Variants in SUZ12 observed in about 807,000 individuals in gnomAD.
SUZ12 encodes SUZ12 polycomb repressive complex 2 subunit, also known as polycomb protein SUZ12.
In SUZ12, 17 loss-of-function variants were observed where a neutral mutation model predicts 87.3. The ratio of observed to expected loss-of-function variants is 0.19; its 90% CI spans 0.13 to 0.29. SUZ12 has a LOEUF of 0.29. Among genes scored for constraint, SUZ12 ranks in the 10% least tolerant of loss-of-function variants. The pLI is 1.00. For synonymous variants in SUZ12, 253 were observed against 312.4 expected (o/e 0.81, Z 2.01); for missense variants, 526 against 912.2 (o/e 0.58, Z 5.45).
intron 4 of SUZ12, among the ~76,000 whole-genome samples, chr17:31,951,015 C>G (rs536795600): frequency 6.9e-4 from 105 of 152,132 alleles, no homozygotes; most frequent in African/African-American, 2.5e-3. Context: ...CTCCTGACCT[C>G]GTGATCCGCC....
chr17:31,973,392 C>G (rs1567827182), intron 6 of SUZ12, among the ~76,000 whole-genome samples, 161 bp downstream of exon 6: 1 of 152,170 alleles, frequency 6.6e-6, no homozygotes, highest in African/African-American at 2.4e-5. Flanking sequence ...CTTTTGCCAA[C>G]TCGCATATCT....
rs779648238 is a variant in SUZ12 at position 31,998,641 on chromosome 17, C to A, written c.1875-17C>A. 21 of 1,509,210 alleles carry A rather than the reference C, an allele frequency of 1.4e-5. No individual in the cohort carries two copies. In the African/African-American group the frequency reaches 2.0e-4, roughly 14 times the overall value. The allele number at this position is 1,509,210 out of a possible 1,614,324, so 93.5% of individuals were successfully genotyped here. ...AATGCTTTGTATTGCTATTCATATT[C>A]TGTTTTTATTAAATAGGTTTATTGC... On this transcript the variant is annotated splice_polypyrimidine_tract_variant and intron_variant, in intron 15 of 15. Coordinates refer to ENST00000322652, the MANE Select transcript of SUZ12 (RefSeq NM_015355.4).
In SUZ12 at chr17:31,993,976, C is replaced by G; in HGVS notation, c.1405C>G (p.Leu469Val). ...TTATAGTTTACTCAAGCATCTTAAA[C>G]TCTGCCATAGCAGATTTATCTTCAA... ...KLYSLLKHLK[L>V]CHSRFIFNYV... The change falls in exon 12 of 16, where the codon CTC (leucine) becomes GTC (valine). Residue 469 changes from leucine to valine, a missense_variant. Physicochemically the swap from Leu to Val is conservative, Grantham distance 32. Around this residue, in one of 9 missense-constraint regions of SUZ12, gnomAD observed 143 missense variants for 321.6 expected, o/e 0.44. Transcript: ENST00000322652. 1 of 1,613,248 alleles carries G rather than the reference C, an allele frequency of 6.2e-7. No individual in the cohort carries two copies. Among genetic ancestry groups the G allele is most frequent in the Non-Finnish European group, 8.5e-7 (1 of 1,179,782 alleles).
At chr17:31,972,716 T>C (rs1369844058) in intron 5 of SUZ12, among the ~76,000 whole-genome samples, 1 of 149,646 alleles carries the variant, frequency 6.7e-6, no homozygotes, top group Non-Finnish European at 1.5e-5. Flanking sequence ...GCCTGGCCAG[T>C]GAATATTTTT....
chr17:31,964,278 G>C, intron 4 of SUZ12, among the ~76,000 whole-genome samples: 1 of 151,466 alleles, frequency 6.6e-6, no homozygotes. Flanking sequence ...TCCTGTCTTG[G>C]CCTCCCAAAA....
chr17:31,977,521 G>A (rs1028158972), intron 8 of SUZ12, among the ~76,000 whole-genome samples: 2 of 151,950 alleles, frequency 1.3e-5, no homozygotes, highest in African/African-American at 4.8e-5. Flanking sequence ...CTCGTGATCC[G>A]CCTGCCTTGG....
In SUZ12 at chr17:31,999,312, TATAA is replaced by T. The variant is rs1910142673; in HGVS notation, c.*312_*315del. 8.1e-6 allele frequency: 2 copies of T among 245,500 alleles called. No individual in the cohort carries two copies. The highest frequency in any genetic ancestry group is 1.6e-5 in the Non-Finnish European group (2 of 127,370). The allele number at this position is 245,500 out of a possible 1,614,324, so 15.2% of individuals were successfully genotyped here. A position where few individuals can be genotyped will look rare whatever the true frequency, so the allele number is the denominator to read the frequency against. On this transcript the variant is annotated 3_prime_UTR_variant, in exon 16 of 16. Transcript: ENST00000322652. ...GAATTGATCTAGAAATTATTTCATA[TATAA>T]ATCAGAATTTTTTTGCATTTATGAA...
chr17:32,000,036 GT>G lies in SUZ12; in HGVS notation c.*1035del, dbSNP rs1229468509. 1 of 232,798 alleles carries G rather than the reference GT, an allele frequency of 4.3e-6. No individual in the cohort carries two copies. Among genetic ancestry groups the G allele is most frequent in the Non-Finnish European group, 8.5e-6 (1 of 117,850 alleles). The allele number at this position is 232,798 out of a possible 1,614,324, so 14.4% of individuals were successfully genotyped here. ...ATCATTTTGAGCAATTTTGCCCTGT[GT>G]TATATGTGTTTCACGCACATATTTG... On this transcript the variant is annotated 3_prime_UTR_variant, in exon 16 of 16. Coordinates refer to ENST00000322652, the MANE Select transcript of SUZ12 (RefSeq NM_015355.4).
intron 5 of SUZ12, among the ~76,000 whole-genome samples, chr17:31,968,192 G>T (rs141791760): frequency 1.1e-3 from 164 of 152,256 alleles, no homozygotes; most frequent in African/African-American, 3.2e-3. Flanking sequence ...AGACAACCTT[G>T]CCAATTGGCC....
intron 4 of SUZ12, among the ~76,000 whole-genome samples, chr17:31,952,240 TG>T (rs1907032785): frequency 6.6e-6 from 1 of 151,550 alleles, no homozygotes; most frequent in Admixed American, 6.6e-5. Flanking sequence ...TTTAAATTTT[TG>T]TAGAGGCAGG....
chr17:31,940,224 G>A (rs932599548), intron 1 of SUZ12, 62 bp from the exon 2 acceptor site: 9 of 1,570,464 alleles, frequency 5.7e-6, no homozygotes, highest in African/African-American at 5.5e-5. Context: ...ACATGGTCTC[G>A]GTTGATATTT....
intron 9 of SUZ12, among the ~76,000 whole-genome samples, chr17:31,986,194 G>A (rs1388169964): frequency 1.3e-5 from 2 of 152,248 alleles, no homozygotes; most frequent in Non-Finnish European, 2.9e-5. Flanking sequence ...CACCCACTTC[G>A]GCATCCCAAA....
At chr17:31,962,344 A>T (rs57561656) in intron 4 of SUZ12, among the ~76,000 whole-genome samples, 4 of 152,106 alleles carry the variant, frequency 2.6e-5, no homozygotes, top group Non-Finnish European at 5.9e-5. Flanking sequence ...TAATCCCAGC[A>T]CTTTGGGAGG....
intron 1 of SUZ12, among the ~76,000 whole-genome samples, chr17:31,939,865 A>T (rs1906168313): frequency 1.3e-5 from 2 of 152,204 alleles, no homozygotes; most frequent in Non-Finnish European, 2.9e-5. Flanking sequence ...TTAAAAAGTG[A>T]AATTTTCATC....
chr17:31,983,661 T>G (rs1909248874), intron 9 of SUZ12, among the ~76,000 whole-genome samples: 1 of 152,202 alleles, frequency 6.6e-6, no homozygotes, highest in Non-Finnish European at 1.5e-5. Flanking sequence ...GGCAAGTTAC[T>G]TATCCATGTC....
At chr17:31,987,479 A>G (rs1237151097) in intron 9 of SUZ12, among the ~76,000 whole-genome samples, 2 of 152,220 alleles carry the variant, frequency 1.3e-5, no homozygotes, top group African/African-American at 4.8e-5. Flanking sequence ...TGTAAAATCA[A>G]AGAAGGGAAG....
chr17:31,994,929 A>T (rs1018442619), intron 13 of SUZ12, among the ~76,000 whole-genome samples: 3 of 152,190 alleles, frequency 2.0e-5, no homozygotes, highest in Admixed American at 1.3e-4. Flanking sequence ...TGAACTTTAT[A>T]CTTAAGTTTT....
chr17:31,990,386 C>G (rs535151), intron 10 of SUZ12, among the ~76,000 whole-genome samples: 3 of 150,190 alleles, frequency 2.0e-5, no homozygotes, highest in Non-Finnish European at 4.5e-5. Flanking sequence ...CTGAGAATTA[C>G]AGGTGTGAGC....
Position 32,000,725 on chromosome 17 carries a change from AAAG to A in SUZ12, c.*1726_*1728del, listed in dbSNP as rs1223229882. ...TAAGCAGTTATGCTCTTAATGCTTA[AAAG>A]AAGGCTAGCATTGTTTGCACAAAAA... is the stretch of plus-strand genomic sequence containing the variant. On this transcript the variant is annotated 3_prime_UTR_variant, in exon 16 of 16. Coordinates refer to ENST00000322652, the MANE Select transcript of SUZ12 (RefSeq NM_015355.4). 1 of 232,052 alleles carries A rather than the reference AAAG, an allele frequency of 4.3e-6. No individual in the cohort carries two copies. Among genetic ancestry groups the A allele is most frequent in the Non-Finnish European group, 8.5e-6 (1 of 117,208 alleles). The allele number at this position is 232,052 out of a possible 1,614,324, so 14.4% of individuals were successfully genotyped here.
Sources: gnomAD v4.1 joint callset for allele counts (sites outside exome capture counted in the v4.1 genomes callset) on GRCh38, gnomAD v4.1.1 for gene constraint, gnomAD v4.1.1 regional missense constraint, MANE v1.5 for transcripts, NCBI Gene and HGNC (gene_info 2026-07-23, HGNC 2026-07-21) for gene names.